The following DRC10 variants were observed in gnomAD, a reference collection of about 807,000 sequenced individuals.
DRC10 encodes dynein regulatory complex subunit 10, also known as IQ domain-containing protein D.
the DRC10 span, among the ~76,000 whole-genome samples, chr12:113,201,780 G>A: frequency 2.0e-5 from 3 of 152,224 alleles, no homozygotes; most frequent in South Asian, 2.1e-4. Flanking sequence ...CAGGCCCGCC[G>A]GGCATCTGCT....
the DRC10 span, among the ~76,000 whole-genome samples, chr12:113,217,125 G>A: frequency 1.7e-4 from 26 of 152,006 alleles, no homozygotes; most frequent in Admixed American, 5.2e-4. Context: ...TCTCAAACCC[G>A]TCCTGCTCTC....
chr12:113,213,598 G>A, the DRC10 span, among the ~76,000 whole-genome samples: 2 of 152,182 alleles, frequency 1.3e-5, no homozygotes, highest in African/African-American at 4.8e-5. Flanking sequence ...ATTCTAGTTA[G>A]TTTACAGCTA....
the DRC10 span, among the ~76,000 whole-genome samples, chr12:113,201,654 A>G: frequency 1.3e-5 from 2 of 152,300 alleles, no homozygotes; most frequent in East Asian, 3.9e-4. Context: ...GGGGTGGAGG[A>G]TGAGACAGTT....
the DRC10 span, among the ~76,000 whole-genome samples, chr12:113,213,082 T>C: frequency 3.3e-5 from 5 of 150,598 alleles, no homozygotes; most frequent in Non-Finnish European, 4.4e-5. Context: ...TGAACTAAAT[T>C]ATATATTTTT....
chr12:113,207,880 T>G, the DRC10 span: 2 of 1,614,040 alleles, frequency 1.2e-6, no homozygotes, highest in Admixed American at 1.7e-5. Flanking sequence ...CTGGCAGAGA[T>G]CCTCATGCTC....
the DRC10 span, chr12:113,200,846 C>T: frequency 1.4e-6 from 2 of 1,457,662 alleles, no homozygotes; most frequent in African/African-American, 1.4e-5. Context: ...TCCGTTAATA[C>T]CTCCATGCCC....
chr12:113,216,421 A>G, the DRC10 span, among the ~76,000 whole-genome samples: 1 of 152,312 alleles, frequency 6.6e-6, no homozygotes, highest in South Asian at 2.1e-4. Context: ...AGGGCAGTGA[A>G]AATACTATGT....
chr12:113,195,573 G>T, the DRC10 span: 1 of 1,584,068 alleles, frequency 6.3e-7, no homozygotes, highest in East Asian at 2.3e-5. Flanking sequence ...TGGGTGGAGA[G>T]CTCATTTCTT....
At chr12:113,205,527 A>G in the DRC10 span, among the ~76,000 whole-genome samples, 1 of 152,198 alleles carries the variant, frequency 6.6e-6, no homozygotes, top group Non-Finnish European at 1.5e-5. Context: ...CAGAATAGGT[A>G]GTAACCTCTC....
the DRC10 span, chr12:113,200,572 C>T: frequency 1.1e-4 from 175 of 1,531,580 alleles, no homozygotes; most frequent in Middle Eastern, 1.7e-4. Context: ...CGCTGCTTCC[C>T]GGGGCACCTT....
At chr12:113,219,793 C>CTTATTTATTTAT in the DRC10 span, among the ~76,000 whole-genome samples, 703 of 151,496 alleles carry the variant, frequency 4.6e-3, 7 homozygotes, top group African/African-American at 0.016. Flanking sequence ...CCACCTCAGC[C>CTTATTTATTTAT]TTATTTATTT....
the DRC10 span, chr12:113,208,238 G>A: frequency 6.6e-7 from 1 of 1,518,040 alleles, no homozygotes; most frequent in Non-Finnish European, 8.8e-7. Context: ...TGGGTCTCGT[G>A]CTTTTATTGT....
At chr12:113,200,512 TG>T in the DRC10 span, 1 of 1,141,886 alleles carries the variant, frequency 8.8e-7, no homozygotes, top group East Asian at 2.6e-5. Context: ...CCAGGAGTGA[TG>T]GAACAGTCCC....
chr12:113,205,627 T>C, the DRC10 span, among the ~76,000 whole-genome samples: 14,730 of 150,148 alleles, frequency 0.098, 784 homozygotes, highest in East Asian at 0.21. Flanking sequence ...CGGTGGCTCA[T>C]GCCAGTAATC....
chr12:113,195,463 T>C, the DRC10 span: 3 of 1,434,102 alleles, frequency 2.1e-6, no homozygotes, highest in Non-Finnish European at 2.8e-6. Context: ...TCAAATACTT[T>C]TTAATTTATT....
chr12:113,207,521 T>C, the DRC10 span: 73 of 1,613,898 alleles, frequency 4.5e-5, no homozygotes, highest in East Asian at 1.6e-3. Flanking sequence ...TTCTGTCTAC[T>C]GATATCCTGT....
At chr12:113,218,631 T>C in the DRC10 span, among the ~76,000 whole-genome samples, 1 of 151,688 alleles carries the variant, frequency 6.6e-6, no homozygotes, top group African/African-American at 2.4e-5. Flanking sequence ...TTTGTAGAGA[T>C]AGGGTCTCAC....
the DRC10 span, among the ~76,000 whole-genome samples, chr12:113,220,060 G>A: frequency 6.6e-6 from 1 of 152,154 alleles, no homozygotes; most frequent in African/African-American, 2.4e-5. Flanking sequence ...TGCTGGCCCA[G>A]GTGATCTGCT....
At chr12:113,213,259 C>A in the DRC10 span, among the ~76,000 whole-genome samples, 1 of 146,832 alleles carries the variant, frequency 6.8e-6, no homozygotes, top group Non-Finnish European at 1.5e-5. Context: ...TAAATTCACT[C>A]TTAATTTAGG....
Sources: gnomAD v4.1 joint callset for allele counts (sites outside exome capture counted in the v4.1 genomes callset) on GRCh38, gnomAD v4.1.1 for gene constraint, MANE v1.5 for transcripts, NCBI Gene and HGNC (gene_info 2026-07-23, HGNC 2026-07-21) for gene names.